RSU1: variants seen among roughly 807,000 people sequenced by gnomAD.
RSU1 encodes the protein rsu-1.
A neutral mutation model predicts 31.1 loss-of-function variants in RSU1; 26 were observed. The observed-to-expected ratio is 0.84, with a 90% CI of 0.61 to 1.16. The LOEUF (loss-of-function observed/expected upper bound fraction) is 1.16, where lower values mean the gene tolerates loss of function less well. RSU1 is among the 50% of genes most tolerant of loss of function. The pLI, the probability that RSU1 is intolerant of heterozygous loss-of-function variation, is 0.00. For missense variants in RSU1, 320 were observed against 339.1 expected, an observed-to-expected ratio of 0.94 and a Z score of 0.44; for synonymous variants, 164 against 136.3, an observed-to-expected ratio of 1.20 and a Z score of -1.41.
intron 2 of RSU1, among the ~76,000 whole-genome samples, chr10:16,803,303 T>C (rs1048365660): frequency 1.3e-5 from 2 of 152,052 alleles, no homozygotes; most frequent in African/African-American, 4.8e-5. Context: ...GCTAACAAAA[T>C]ATGTACAAGC....
intron 8 of RSU1, among the ~76,000 whole-genome samples, chr10:16,665,256 G>C (rs1202542212): frequency 6.6e-6 from 1 of 151,854 alleles, no homozygotes; most frequent in Non-Finnish European, 1.5e-5. Context: ...CGTTCTAAGT[G>C]CTCTTATATG....
chr10:16,790,750 G>A (rs1837895448), intron 2 of RSU1, among the ~76,000 whole-genome samples: 1 of 152,142 alleles, frequency 6.6e-6, no homozygotes, highest in African/African-American at 2.4e-5. Flanking sequence ...TTCTCATGAT[G>A]GTGAGTGAGT....
At chr10:16,654,436 G>A (rs1377348671) in intron 8 of RSU1, among the ~76,000 whole-genome samples, 4 of 150,982 alleles carry the variant, frequency 2.6e-5, no homozygotes, top group African/African-American at 9.7e-5. Flanking sequence ...TTGGGAGGCT[G>A]AGGTGGGTGG....
At chr10:16,681,505 A>G (rs1031140886) in intron 8 of RSU1, among the ~76,000 whole-genome samples, 1 of 152,188 alleles carries the variant, frequency 6.6e-6, no homozygotes, top group African/African-American at 2.4e-5. Context: ...CTATTGCCTT[A>G]AAAAAATCGA....
At chr10:16,598,215 T>G (rs1294393533) in intron 8 of RSU1, among the ~76,000 whole-genome samples, 1 of 152,056 alleles carries the variant, frequency 6.6e-6, no homozygotes, top group Non-Finnish European at 1.5e-5. Flanking sequence ...TCCCGTGGGC[T>G]CAGTGTCATC....
At position 16,726,694 on chromosome 10, in the gene RSU1, T is replaced by C. The variant is rs184710803; in HGVS notation, c.598+25845A>G. Reference sequence around the variant, plus strand: ...TGAAAACAATGAATATAAATTACTTTTATGAGAGCAATACCATCTTTTTTC... The same window carrying C: ...TGAAAACAATGAATATAAATTACTTCTATGAGAGCAATACCATCTTTTTTC... On this transcript the variant is annotated intron_variant, in intron 7 of 8. Coordinates refer to ENST00000345264, the MANE Select transcript of RSU1 (RefSeq NM_012425.4). Among the ~76,000 whole-genome samples, 323 of 152,288 alleles carry C rather than the reference T, an allele frequency of 2.1e-3. 2 individuals carry two copies. Among genetic ancestry groups the C allele is most frequent in the African/African-American group, 6.3e-3 (262 of 41,546 alleles).
chr10:16,768,018 T>G (rs1417094815), intron 3 of RSU1, among the ~76,000 whole-genome samples: 1 of 152,246 alleles, frequency 6.6e-6, no homozygotes, highest in South Asian at 2.1e-4. Flanking sequence ...TTTCTAGATA[T>G]CTACAGGATG....
chr10:16,749,564 C>G (rs532010887), intron 7 of RSU1, among the ~76,000 whole-genome samples: 9 of 152,184 alleles, frequency 5.9e-5, no homozygotes, highest in Non-Finnish European at 1.0e-4. Flanking sequence ...GTGCCCAGCA[C>G]TGCCCATCAG....
intron 2 of RSU1, among the ~76,000 whole-genome samples, chr10:16,788,589 G>A (rs751674968): frequency 1.3e-5 from 2 of 152,076 alleles, no homozygotes; most frequent in Non-Finnish European, 2.9e-5. Context: ...TCAAAACCAC[G>A]AATAAAAAAC....
chr10:16,682,574 G>GAACACACACACA (rs1835349422), intron 8 of RSU1, among the ~76,000 whole-genome samples: 1 of 138,172 alleles, frequency 7.2e-6, no homozygotes, highest in Non-Finnish European at 1.5e-5. Context: ...ACACACACAT[G>GAACACACACACA]CATGCATGTT....
At chr10:16,638,823 A>C (rs1022314224) in intron 8 of RSU1, among the ~76,000 whole-genome samples, 16 of 152,148 alleles carry the variant, frequency 1.1e-4, no homozygotes, top group African/African-American at 3.9e-4. Context: ...TAACTCAAAC[A>C]CCTTATGGTT....
At chr10:16,674,707 A>G (rs775645208) in intron 8 of RSU1, among the ~76,000 whole-genome samples, 1 of 152,180 alleles carries the variant, frequency 6.6e-6, no homozygotes, top group Admixed American at 6.5e-5. Context: ...TGAAACTTGA[A>G]TGAGATAAGA....
chr10:16,650,033 C>T (rs756394701), intron 8 of RSU1, among the ~76,000 whole-genome samples: 5 of 152,062 alleles, frequency 3.3e-5, no homozygotes, highest in African/African-American at 1.2e-4. Context: ...AGTTGTAGAG[C>T]GCTTTGTAAA....
chr10:16,740,765 C>A (rs1430937001), intron 7 of RSU1, among the ~76,000 whole-genome samples: 1 of 152,032 alleles, frequency 6.6e-6, no homozygotes, highest in Non-Finnish European at 1.5e-5. Flanking sequence ...GCAAAAGTAT[C>A]AAAAACTCTG....
chr10:16,791,868 G>A lies in RSU1; in HGVS notation c.110-9784C>T, dbSNP rs115677135. 7.3e-3 allele frequency among the ~76,000 whole-genome samples: 1,110 copies of A among 152,268 alleles called. 15 individuals carry two copies. Among genetic ancestry groups the A allele is most frequent in the African/African-American group, 0.023 (968 of 41,550 alleles). On this transcript the variant is annotated intron_variant, in intron 2 of 8. Transcript: ENST00000345264. ...AGGTGGCCCAACTTATCACAAAGAT[G>A]TGGAACTCTGGAACTTGTCTCCATA...
intron 7 of RSU1, among the ~76,000 whole-genome samples, chr10:16,702,177 T>C (rs763808119): frequency 2.0e-5 from 3 of 152,170 alleles, no homozygotes; most frequent in Non-Finnish European, 2.9e-5. Context: ...TTTCAGAGAA[T>C]GTAGGGAAAA....
At chr10:16,794,523 C>G (rs1376463459) in intron 2 of RSU1, among the ~76,000 whole-genome samples, 2 of 152,074 alleles carry the variant, frequency 1.3e-5, no homozygotes, top group Non-Finnish European at 2.9e-5. Flanking sequence ...TAACACAAAA[C>G]TTATGCAGTT....
chr10:16,759,250 A>C (rs1432228241), intron 4 of RSU1, among the ~76,000 whole-genome samples: 3 of 152,192 alleles, frequency 2.0e-5, no homozygotes, highest in Admixed American at 2.0e-4. Context: ...CTGTAATCCC[A>C]GCACTTTGGA....
At chr10:16,758,607 T>A (rs1837143140) in intron 4 of RSU1, among the ~76,000 whole-genome samples, 1 of 152,192 alleles carries the variant, frequency 6.6e-6, no homozygotes, top group Admixed American at 6.5e-5. Context: ...AAAATGAGGC[T>A]GACAACACCT....
Sources: gnomAD v4.1 joint callset for allele counts (sites outside exome capture counted in the v4.1 genomes callset) on GRCh38, gnomAD v4.1.1 for gene constraint, MANE v1.5 for transcripts, NCBI Gene and HGNC (gene_info 2026-07-23, HGNC 2026-07-21) for gene names.